The following CCSER1 variants were observed in gnomAD, a reference collection of about 807,000 sequenced individuals.
CCSER1 encodes coiled-coil serine rich protein 1, also known as serine-rich coiled-coil domain-containing protein 1.
Under a neutral mutation model 82.0 loss-of-function variants are expected in CCSER1, and 41 were observed. The ratio of observed to expected loss-of-function variants is 0.50; its 90% CI spans 0.39 to 0.65. CCSER1 has a LOEUF of 0.65. CCSER1 is among the 30% of genes least tolerant of loss of function. CCSER1 has a pLI of 0.00. For synonymous variants in CCSER1, 414 were observed against 383.9 expected (o/e 1.08, Z -0.92); for missense variants, 1,119 against 1,064.2 (o/e 1.05, Z -0.72).
At chr4:91,543,932 G>T (rs1294488643) in intron 10 of CCSER1, among the ~76,000 whole-genome samples, 1 of 152,138 alleles carries the variant, frequency 6.6e-6, no homozygotes, top group Non-Finnish European at 1.5e-5. Flanking sequence ...TCACTTTCAG[G>T]TATGCCAGTC....
chr4:91,069,303 T>C (rs1721185240), intron 9 of CCSER1, among the ~76,000 whole-genome samples: 1 of 152,226 alleles, frequency 6.6e-6, no homozygotes, highest in South Asian at 2.1e-4. Flanking sequence ...CTCAGAGTTT[T>C]TGGTGATTTG....
intron 10 of CCSER1, among the ~76,000 whole-genome samples, chr4:91,250,915 A>G (rs937236342): frequency 6.6e-6 from 1 of 152,156 alleles, no homozygotes; most frequent in African/African-American, 2.4e-5. Flanking sequence ...GAAAATCTAA[A>G]TAAAAATATA....
At chr4:90,199,157 G>C (rs1184804844) in intron 1 of CCSER1, among the ~76,000 whole-genome samples, 2 of 152,088 alleles carry the variant, frequency 1.3e-5, no homozygotes, top group African/African-American at 4.8e-5. Flanking sequence ...TTTTGAAACA[G>C]ATTTGTAATT....
At chr4:91,435,861 T>C (rs1754617986) in intron 10 of CCSER1, among the ~76,000 whole-genome samples, 1 of 152,216 alleles carries the variant, frequency 6.6e-6, no homozygotes, top group African/African-American at 2.4e-5. Flanking sequence ...TTACTTTCAT[T>C]TGAATCAAAC....
At chr4:90,872,888 T>C (rs1210579480) in intron 8 of CCSER1, among the ~76,000 whole-genome samples, 1 of 152,056 alleles carries the variant, frequency 6.6e-6, no homozygotes, top group Non-Finnish European at 1.5e-5. Context: ...TCTTTAAATA[T>C]ATCATGCCAC....
intron 10 of CCSER1, among the ~76,000 whole-genome samples, chr4:91,579,805 C>T (rs1006286387): frequency 6.6e-6 from 1 of 151,678 alleles, no homozygotes; most frequent in Non-Finnish European, 1.5e-5. Flanking sequence ...CATGAAAAGC[C>T]GAACTCCAAA....
intron 9 of CCSER1, among the ~76,000 whole-genome samples, chr4:90,946,815 C>T (rs1732306493): frequency 6.6e-6 from 1 of 152,144 alleles, no homozygotes. Flanking sequence ...ACAGAATAAA[C>T]TATATCCATT....
chr4:90,625,311 T>G (rs907474284), intron 5 of CCSER1, among the ~76,000 whole-genome samples: 2 of 152,162 alleles, frequency 1.3e-5, no homozygotes, highest in Admixed American at 6.6e-5. Context: ...TGGGTATTTT[T>G]CTGCCCAATA....
chr4:90,566,969 T>TCTTTTCTGTTAG (rs1779473200), intron 5 of CCSER1, among the ~76,000 whole-genome samples: 1 of 151,746 alleles, frequency 6.6e-6, no homozygotes, highest in African/African-American at 2.4e-5. Context: ...GAGTCTTCTG[T>TCTTTTCTGTTAG]CTTTTCTGTT....
At chr4:90,192,521 A>G (rs114337564) in intron 1 of CCSER1, among the ~76,000 whole-genome samples, 3,602 of 152,174 alleles carry the variant, frequency 0.024, 143 homozygotes, top group African/African-American at 0.081. Flanking sequence ...ATTTGCGACC[A>G]TTGCCGTGCA....
At chr4:90,931,014 AAT>A (rs199808606) in intron 9 of CCSER1, among the ~76,000 whole-genome samples, 5,353 of 141,516 alleles carry the variant, frequency 0.038, 317 homozygotes, top group African/African-American at 0.13. Flanking sequence ...ATATCCTTGA[AAT>A]ATATATATAT....
intron 4 of CCSER1, among the ~76,000 whole-genome samples, chr4:90,411,515 AC>A (rs1334849186): frequency 6.6e-6 from 1 of 152,216 alleles, no homozygotes; most frequent in East Asian, 1.9e-4. Flanking sequence ...AGAACCAAAG[AC>A]AAAAACCACA....
At chr4:90,934,430 T>C (rs986860650) in intron 9 of CCSER1, among the ~76,000 whole-genome samples, 5 of 148,290 alleles carry the variant, frequency 3.4e-5, no homozygotes, top group African/African-American at 1.3e-4. Flanking sequence ...GAACTTATTA[T>C]TTGCTAATTG....
chr4:91,478,099 T>G (rs1757692273), intron 10 of CCSER1, among the ~76,000 whole-genome samples: 1 of 151,866 alleles, frequency 6.6e-6, no homozygotes, highest in South Asian at 2.1e-4. Context: ...TTAAAAGGAA[T>G]ATAGAAGTCA....
At chr4:91,308,274 T>C (rs1745216024) in intron 10 of CCSER1, among the ~76,000 whole-genome samples, 1 of 151,908 alleles carries the variant, frequency 6.6e-6, no homozygotes, top group East Asian at 1.9e-4. Flanking sequence ...TGATAAAATA[T>C]TTACAAGTGA....
chr4:90,889,627 A>G (rs771124802), intron 8 of CCSER1, among the ~76,000 whole-genome samples: 2 of 152,142 alleles, frequency 1.3e-5, no homozygotes, highest in Non-Finnish European at 2.9e-5. Context: ...AACAGCTTAA[A>G]TATCCATCAA....
chr4:91,153,408 G>A (rs778831139), intron 10 of CCSER1, among the ~76,000 whole-genome samples: 5 of 151,806 alleles, frequency 3.3e-5, no homozygotes, highest in Non-Finnish European at 7.4e-5. Flanking sequence ...GTTAGCCATC[G>A]TCTAATCTTT....
intron 10 of CCSER1, among the ~76,000 whole-genome samples, chr4:91,424,291 AC>A (rs1176315610): frequency 6.6e-6 from 1 of 151,904 alleles, no homozygotes; most frequent in Non-Finnish European, 1.5e-5. Context: ...TGCTGGGATT[AC>A]AGGCGTGAGC....
At chr4:90,552,994 C>T (rs7698293) in intron 5 of CCSER1, among the ~76,000 whole-genome samples, 34,440 of 147,674 alleles carry the variant, frequency 0.23, 5,154 homozygotes, top group East Asian at 0.47. Flanking sequence ...TTTTTTGAGA[C>T]GGAGTCTCGC....
Sources: gnomAD v4.1 joint callset for allele counts (sites outside exome capture counted in the v4.1 genomes callset) on GRCh38, gnomAD v4.1.1 for gene constraint, MANE v1.5 for transcripts, NCBI Gene and HGNC (gene_info 2026-07-23, HGNC 2026-07-21) for gene names.